PLEC: variants seen among roughly 807,000 people sequenced by gnomAD.
PLEC encodes hemidesmosomal protein 1.
In PLEC, 216 loss-of-function variants were observed where a neutral mutation model predicts 392.8. That is an observed-to-expected ratio of 0.55 (90% CI 0.49 to 0.62). PLEC has a LOEUF of 0.62. PLEC is among the 20% of genes least tolerant of loss of function. The pLI is 0.00. For missense variants in PLEC, 6,863 were observed against 6,563.4 expected (o/e 1.05, Z -1.58); for synonymous variants, 3,621 against 2,980.6 (o/e 1.21, Z -7.00).
Position 143,929,564 on chromosome 8 carries a change from C to A in PLEC, c.2931G>T (p.Gln977His). 2 of 1,612,560 alleles carry A rather than the reference C, an allele frequency of 1.2e-6. No individual in the cohort carries two copies. Among genetic ancestry groups the A allele is most frequent in the South Asian group, 2.2e-5 (2 of 91,090 alleles). The change falls in exon 24 of 32, where the codon CAG becomes CAT. Residue 977 changes from glutamine to histidine, a missense_variant. Transcript: ENST00000345136. The part of the protein sequence containing the change: ...QLLQSLEQGA[Q>H]EESRCQRCIS... ...TGCAGCGCTGGCAGCGAGACTCTTC[C>A]TGTGCACCTGGGGAACACATGTGGG... is the stretch of plus-strand genomic sequence containing the variant.
chr8:143,946,372 C>T (rs1554732223), intron 1 of PLEC: 11 of 1,289,110 alleles, frequency 8.5e-6, no homozygotes, highest in African/African-American at 1.5e-5. Flanking sequence ...GAATCAGCTC[C>T]TCCATGCTGT....
intron 1 of PLEC, among the ~76,000 whole-genome samples, chr8:143,948,904 C>T (rs115676009): frequency 0.017 from 2,556 of 152,320 alleles, 65 homozygotes; most frequent in African/African-American, 0.059. Flanking sequence ...CCACATGGGC[C>T]GGGGCCTGGA....
upstream of PLEC, chr8:143,958,702 C>G (rs782238862): frequency 1.5e-5 from 7 of 451,670 alleles, no homozygotes; most frequent in South Asian, 3.1e-5. The surrounding 1 kb of genome is among the most constrained non-coding windows in gnomAD (Gnocchi z 4.9). Flanking sequence ...ACCTGCTCTG[C>G]TGCAGCAGGG....
rs371358671 is a variant in PLEC, at chr8:143,929,173, G to T, written c.3190C>A (p.Arg1064Ser). 5 of 1,595,686 alleles carry T rather than the reference G, an allele frequency of 3.1e-6. No homozygotes were observed. The highest frequency in any genetic ancestry group is 3.5e-5 in the Admixed American group (2 of 57,480). ...CCCAGCGTCAGCTCCAGCTCCGAGCGCAGCGTGGGGGCCGCAGGCGATGGC... is the reference window on the plus strand; with the variant it reads ...CCCAGCGTCAGCTCCAGCTCCGAGCTCAGCGTGGGGGCCGCAGGCGATGGC... ...PEPSPAAPTL[R>S]SELELTLGKL... Residue 1064 changes from arginine to serine, a missense_variant, in exon 25 of 32, where the codon CGC (arginine) becomes AGC (serine). By Grantham distance (110) the Arg-to-Ser change is moderately radical. Transcript: ENST00000345136.
intron 9 of PLEC, 26 bp downstream of exon 9, chr8:143,934,784 G>A: frequency 6.2e-7 from 1 of 1,611,798 alleles, no homozygotes; most frequent in East Asian, 2.2e-5. Context: ...GCAGGCCCAG[G>A]ACCCCGCCCC....
chr8:143,928,067 A>G (rs1825885009), intron 25 of PLEC, 75 bp from the exon 26 acceptor site: 1 of 1,511,018 alleles, frequency 6.6e-7, no homozygotes, highest in Non-Finnish European at 8.8e-7. Flanking sequence ...CCCAAGCCAC[A>G]GCGACCCAGG....
At position 143,918,236 on chromosome 8, in the gene PLEC, C is replaced by G. The variant is rs2857817; in HGVS notation, c.11585G>C (p.Arg3862Thr). The G allele has an allele frequency of 1.3e-5, 20 of 1,587,220 alleles. No individual in the cohort carries two copies. The highest frequency in any genetic ancestry group is 2.7e-5 in the African/African-American group (2 of 74,538). Residue 3862 changes from arginine to threonine, a missense_variant, in exon 32 of 32, where the codon AGG (arginine) becomes ACG (threonine). Coordinates refer to ENST00000345136, the MANE Select transcript of PLEC (RefSeq NM_201384.3). ...DERLSYTQLL[R>T]RCRRDDGTGQ... ...GGTGCCGTCGTCACGACGGCACCGCCTGAGCAGCTGCGTGTAGCTGAGGCG... is the reference window on the plus strand; with the variant it reads ...GGTGCCGTCGTCACGACGGCACCGCGTGAGCAGCTGCGTGTAGCTGAGGCG...
chr8:143,934,523 C>T, intron 10 of PLEC, 78 bp from the exon 11 acceptor site: 1 of 1,602,066 alleles, frequency 6.2e-7, no homozygotes, highest in Non-Finnish European at 8.5e-7. Context: ...CCCCAGCCCA[C>T]CAGACCTGGG....
rs1172724919 is a variant in PLEC, at chr8:143,950,143, A to G, written c.523+41T>C. On this transcript the variant is annotated intron_variant, in intron 1 of 31. Coordinates refer to the PLEC transcript ENST00000322810. ...CCCAAGACCCGACAACCAGACCCCTACTTGCCACCCATCATGACTTGGGGT... is the reference window on the plus strand; with the variant it reads ...CCCAAGACCCGACAACCAGACCCCTGCTTGCCACCCATCATGACTTGGGGT... 3.4e-6 allele frequency: 5 copies of G among 1,466,514 alleles called. No homozygotes were observed. In the Admixed American group the frequency reaches 1.0e-4, roughly 30 times the overall value. 90.8% of individuals were successfully genotyped at this position (1,466,514 alleles called of 1,614,324 possible).
chr8:143,944,798 C>T (rs1198591244), intron 1 of PLEC: 2 of 976,572 alleles, frequency 2.0e-6, no homozygotes, highest in Non-Finnish European at 2.7e-6. Context: ...CTGCTGTCAG[C>T]AGCAGCTTGT....
chr8:143,917,360 A>G lies in PLEC; in HGVS notation c.12461T>C (p.Val4154Ala), dbSNP rs1554671866. The change falls in exon 32 of 32, where the codon GTG (valine) becomes GCG (alanine). Residue 4154 changes from valine to alanine, a missense_variant. Val to Ala is a moderately conservative substitution (Grantham distance 64, BLOSUM62 0). Transcript: ENST00000345136. ...CAGGCCCTTGCGGTAGGCCTCGTAC[A>G]CTGACATCTCCTTGCCCGTCTCGGG... is the stretch of plus-strand genomic sequence containing the variant. ...VDPETGKEMS[V>A]YEAYRKGLID... is the part of the protein sequence containing the mutation. 9.3e-6 allele frequency: 15 copies of G among 1,609,980 alleles called. No homozygotes were observed. The highest frequency in any genetic ancestry group is 1.2e-5 in the Non-Finnish European group (14 of 1,179,898).
At chr8:143,928,733 A>G (rs1826100285) in intron 25 of PLEC, among the ~76,000 whole-genome samples, 1 of 152,216 alleles carries the variant, frequency 6.6e-6, no homozygotes, top group Non-Finnish European at 1.5e-5. Flanking sequence ...TAAATGCCAG[A>G]GGCCCTTAAG....
intron 1 of PLEC, among the ~76,000 whole-genome samples, chr8:143,965,982 G>T (rs1465962273): frequency 2.0e-5 from 3 of 152,086 alleles, no homozygotes; most frequent in African/African-American, 7.2e-5. Context: ...TCCTGGAGAG[G>T]GTTCTCCCTC....
At chr8:143,930,685 G>T in intron 19 of PLEC, 149 bp from the exon 20 acceptor site, 1 of 828,588 alleles carries the variant, frequency 1.2e-6, no homozygotes, top group Non-Finnish European at 1.9e-6. Flanking sequence ...GCTGGGACAG[G>T]CCCCGGGGGT....
chr8:143,929,376 G>T, intron 24 of PLEC, 38 bp downstream of exon 24: 3 of 1,548,038 alleles, frequency 1.9e-6, no homozygotes, highest in South Asian at 2.3e-5. Context: ...GAGGGATGGG[G>T]AGAGGGATGG....
upstream of PLEC, among the ~76,000 whole-genome samples, chr8:143,951,883 C>T (rs1554736905): frequency 6.6e-6 from 1 of 152,132 alleles, no homozygotes; most frequent in Non-Finnish European, 1.5e-5. Context: ...CTCCCCGCCC[C>T]GCTGCTGCCG....
At position 143,973,291 on chromosome 8, in the gene PLEC, G is replaced by A; in HGVS notation, c.70+112C>T. 4 of 1,352,744 alleles carry A rather than the reference G, an allele frequency of 3.0e-6. No homozygotes were observed. Among genetic ancestry groups the A allele is most frequent in the Non-Finnish European group, 3.0e-6 (3 of 989,450 alleles). 83.8% of individuals were successfully genotyped at this position (1,352,744 alleles called of 1,614,324 possible). ...GGGGCGATCCAGGCGGACGAGGCCG[G>A]CGGAGTGGCCGCGCTCGGGCCGGCG... On this transcript the variant is annotated intron_variant, in intron 1 of 31. Transcript: ENST00000356346. The surrounding 1 kb of genome is among the most constrained non-coding windows in gnomAD (Gnocchi z 5.6).
At position 143,917,187 on chromosome 8, in the gene PLEC, T is replaced by G. The variant is rs1554671346; in HGVS notation, c.12634A>C (p.Asn4212His). The G allele has an allele frequency of 1.2e-6, 2 of 1,612,722 alleles. No individual in the cohort carries two copies. The highest frequency in any genetic ancestry group is 2.2e-5 in the South Asian group (2 of 91,082). Residue 4212 changes from asparagine to histidine, a missense_variant, in exon 32 of 32, where the codon AAC (asparagine) becomes CAC (histidine). Coordinates refer to ENST00000345136, the MANE Select transcript of PLEC (RefSeq NM_201384.3). ...QYDIDDAIAK[N>H]LIDRSALDQY... ...TCCAGTGCCGAGCGGTCGATGAGGT[T>G]CTTGGCGATGGCATCATCGATGTCG...
intron 12 of PLEC, among the ~76,000 whole-genome samples, chr8:143,933,576 C>A (rs111334162): frequency 3.3e-5 from 5 of 152,272 alleles, no homozygotes; most frequent in African/African-American, 1.2e-4. Context: ...AGAACCGAGA[C>A]CCCCATGACC....
Sources: gnomAD v4.1 joint callset for allele counts (sites outside exome capture counted in the v4.1 genomes callset) on GRCh38, gnomAD v4.1.1 for gene constraint, Gnocchi (gnomAD v3.1) non-coding constraint, MANE v1.5 for transcripts, NCBI Gene and HGNC (gene_info 2026-07-23, HGNC 2026-07-21) for gene names.